Variants in ANGPT2 observed in about 807,000 individuals in gnomAD.
The protein encoded by ANGPT2 is angiopoietin-2.
In ANGPT2, 28 loss-of-function variants were observed where a neutral mutation model predicts 62.9. The observed-to-expected ratio is 0.44, with a 90% CI of 0.33 to 0.61. The LOEUF (loss-of-function observed/expected upper bound fraction) is 0.61, where lower values mean the gene tolerates loss of function less well. Among genes scored for constraint, ANGPT2 ranks in the 20% least tolerant of loss-of-function variants. The probability of loss-of-function intolerance (pLI) is 0.03; values close to 1 mark genes in which losing one functional copy is unlikely to be tolerated. For missense variants in ANGPT2, 727 were observed against 594.9 expected (o/e 1.22, Z -2.31); for synonymous variants, 284 against 207.8 (o/e 1.37, Z -3.15).
chr8:6,536,384 T>G (rs955437999), intron 1 of ANGPT2, among the ~76,000 whole-genome samples: 2 of 138,382 alleles, frequency 1.4e-5, no homozygotes, highest in Non-Finnish European at 3.1e-5. Context: ...CAGAGGCCGC[T>G]TCATACTTTT....
intron 2 of ANGPT2, among the ~76,000 whole-genome samples, chr8:6,529,832 C>A (rs1178803416): frequency 6.6e-6 from 1 of 151,194 alleles, no homozygotes; most frequent in African/African-American, 2.4e-5. Flanking sequence ...CATCTGTTTT[C>A]TTATTTTCCT....
rs1418843033 is a variant in ANGPT2, at chr8:6,519,811, T to A, written c.927+53A>T. ...TTCTGCTCTCTGGTTCCTCACTCACTAAAGTGGCCTGCCTAGAGCCAGGGA... is the reference window on the plus strand; with the variant it reads ...TTCTGCTCTCTGGTTCCTCACTCACAAAAGTGGCCTGCCTAGAGCCAGGGA... On this transcript the variant is annotated intron_variant, in intron 5 of 8. Coordinates refer to ENST00000629816, the MANE Select transcript of ANGPT2 (RefSeq NM_001118887.2). 3.8e-6 allele frequency: 6 copies of A among 1,597,206 alleles called. No individual in the cohort carries two copies. In the East Asian group the frequency reaches 1.1e-4, roughly 30 times the overall value.
At chr8:6,513,939 C>G (rs1815714679) in intron 6 of ANGPT2, 95 bp from the exon 7 acceptor site, 3 of 1,193,284 alleles carry the variant, frequency 2.5e-6, no homozygotes, top group African/African-American at 1.6e-5. Flanking sequence ...GAATAACTAT[C>G]AAATAGCAGA....
intron 1 of ANGPT2, among the ~76,000 whole-genome samples, chr8:6,536,034 G>T (rs546303780): frequency 1.3e-5 from 2 of 152,174 alleles, no homozygotes; most frequent in South Asian, 4.2e-4. Context: ...TGCAGCTTGG[G>T]CGACAGAGTG....
intron 8 of ANGPT2, among the ~76,000 whole-genome samples, chr8:6,504,429 C>T (rs1330616073): frequency 6.6e-6 from 1 of 151,136 alleles, no homozygotes; most frequent in African/African-American, 2.4e-5. Context: ...TGAATAATCT[C>T]CTCTATCCAG....
intron 7 of ANGPT2, among the ~76,000 whole-genome samples, chr8:6,511,565 C>G (rs189132068): frequency 6.6e-6 from 1 of 152,282 alleles, no homozygotes; most frequent in East Asian, 1.9e-4. Context: ...AAAAAAATCC[C>G]TTACATGCTG....
chr8:6,506,962 A>T (rs1457318614), intron 8 of ANGPT2, among the ~76,000 whole-genome samples: 1 of 151,290 alleles, frequency 6.6e-6, no homozygotes, highest in African/African-American at 2.4e-5. Context: ...TACTGGTGCG[A>T]TCTCGGCTCA....
intron 1 of ANGPT2, among the ~76,000 whole-genome samples, chr8:6,542,964 C>T (rs928257588): frequency 6.6e-6 from 1 of 152,134 alleles, no homozygotes; most frequent in Admixed American, 6.5e-5. Context: ...ATAAGGCCGG[C>T]AGGAAGCGTG....
intron 8 of ANGPT2, chr8:6,507,567 C>CTTTTCT (rs1814006220): frequency 8.1e-6 from 1 of 123,722 alleles, no homozygotes; most frequent in South Asian, 2.6e-4. Context: ...ATAACACTTT[C>CTTTTCT]TTTTCTTTTT....
intron 5 of ANGPT2, among the ~76,000 whole-genome samples, chr8:6,518,981 G>A (rs1330100890): frequency 6.6e-6 from 1 of 152,102 alleles, no homozygotes; most frequent in Non-Finnish European, 1.5e-5. Flanking sequence ...CTCTGAGTGA[G>A]GCTGCAGAAC....
intron 3 of ANGPT2, among the ~76,000 whole-genome samples, chr8:6,526,808 A>T (rs1007151411): frequency 1.3e-5 from 2 of 152,232 alleles, no homozygotes; most frequent in Non-Finnish European, 2.9e-5. Context: ...CACACCAGGT[A>T]TGTGCATAAA....
intron 1 of ANGPT2, among the ~76,000 whole-genome samples, chr8:6,546,794 G>A (rs1219765735): frequency 6.6e-6 from 1 of 152,154 alleles, no homozygotes; most frequent in Non-Finnish European, 1.5e-5. Context: ...CCCAATCCAA[G>A]TATTGCCTTT....
intron 1 of ANGPT2, among the ~76,000 whole-genome samples, chr8:6,538,253 G>C (rs1432077846): frequency 2.0e-5 from 3 of 152,046 alleles, no homozygotes; most frequent in Non-Finnish European, 4.4e-5. Context: ...TTAGAAATAA[G>C]ATATTGCAAC....
chr8:6,555,816 C>T (rs1486113346), intron 1 of ANGPT2, among the ~76,000 whole-genome samples: 2 of 152,160 alleles, frequency 1.3e-5, no homozygotes, highest in African/African-American at 4.8e-5. Flanking sequence ...CCAATTATAC[C>T]AATTGCACCA....
At chr8:6,544,269 C>T (rs375656393) in intron 1 of ANGPT2, among the ~76,000 whole-genome samples, 3 of 152,180 alleles carry the variant, frequency 2.0e-5, no homozygotes, top group South Asian at 2.1e-4. Context: ...CCCATAAACA[C>T]GTTCTACTTC....
At chr8:6,529,238 T>G (rs780774379) in intron 2 of ANGPT2, among the ~76,000 whole-genome samples, 1 of 152,144 alleles carries the variant, frequency 6.6e-6, no homozygotes, top group Non-Finnish European at 1.5e-5. Context: ...GATCTCTCAT[T>G]CCCTTTAAGA....
intron 8 of ANGPT2, among the ~76,000 whole-genome samples, chr8:6,505,297 A>AGAGTTGTTATG (rs1563305776): frequency 1.2e-4 from 9 of 74,282 alleles, no homozygotes; most frequent in African/African-American, 6.5e-4. Flanking sequence ...TTATATACAT[A>AGAGTTGTTATG]TATATGTATA....
Position 6,500,282 on chromosome 8 carries a change from G to T in ANGPT2, c.*2819C>A. 4.4e-6 allele frequency: 1 copy of T among 227,610 alleles called. No individual in the cohort carries two copies. Among genetic ancestry groups the T allele is most frequent in the South Asian group, 6.7e-5 (1 of 14,860 alleles). The allele number at this position is 227,610 out of a possible 1,614,324, so 14.1% of individuals were successfully genotyped here. A position where few individuals can be genotyped will look rare whatever the true frequency, so the allele number is the denominator to read the frequency against. On this transcript the variant is annotated 3_prime_UTR_variant, in exon 9 of 9. Transcript: ENST00000629816. ...TAGAAATAGAACTGATAGGTATAAA[G>T]ATTATGGCTTGCTGGTGCTGTGATA...
intron 8 of ANGPT2, among the ~76,000 whole-genome samples, chr8:6,505,796 A>G (rs1440378223): frequency 7.3e-6 from 1 of 136,844 alleles, no homozygotes; most frequent in Non-Finnish European, 1.5e-5. Flanking sequence ...GTATATATAA[A>G]AACATGCATA....
Sources: gnomAD v4.1 joint callset for allele counts (sites outside exome capture counted in the v4.1 genomes callset) on GRCh38, gnomAD v4.1.1 for gene constraint, MANE v1.5 for transcripts, NCBI Gene and HGNC (gene_info 2026-07-23, HGNC 2026-07-21) for gene names.